IL18R1: variants seen among roughly 807,000 people sequenced by gnomAD.
IL18R1 encodes interleukin-18 receptor 1.
A neutral mutation model predicts 48.5 loss-of-function variants in IL18R1; 40 were observed. The ratio of observed to expected loss-of-function variants is 0.82; its 90% CI spans 0.64 to 1.07. The LOEUF (loss-of-function observed/expected upper bound fraction) is 1.07. IL18R1 is among the 50% of genes least tolerant of loss of function. The pLI is 0.00. For missense variants in IL18R1, 596 were observed against 633.7 expected, an observed-to-expected ratio of 0.94 and a Z score of 0.64; for synonymous variants, 232 against 225.9, an observed-to-expected ratio of 1.03 and a Z score of -0.24.
At position 102,376,003 on chromosome 2, in the gene IL18R1, C is replaced by T. The variant is rs779608094; in HGVS notation, c.565C>T (p.Leu189Phe). Reference protein sequence around the residue: ...DQGYYSCVHFLHHNGKLFNIT... With the variant: ...DQGYYSCVHFFHHNGKLFNIT... Reference sequence around the variant, plus strand: ...GGGGTATTACTCCTGCGTGCATTTCCTTCATCATAATGGAAAACTATTTAA... The same window carrying T: ...GGGGTATTACTCCTGCGTGCATTTCTTTCATCATAATGGAAAACTATTTAA... The change falls in exon 5 of 11, where the codon CTT becomes TTT. Residue 189 changes from leucine to phenylalanine, a missense_variant. Around this residue, in one of 3 missense-constraint regions of IL18R1, gnomAD observed 360 missense variants for 339.4 expected, o/e 1.06. Transcript: ENST00000233957. 20 of 1,606,118 alleles carry T rather than the reference C, an allele frequency of 1.2e-5. No homozygotes were observed. Among genetic ancestry groups the T allele is most frequent in the Middle Eastern group, 3.3e-4 (2 of 6,034 alleles).
At chr2:102,379,107 C>T (rs1191763112) in intron 5 of IL18R1, among the ~76,000 whole-genome samples, 1 of 152,142 alleles carries the variant, frequency 6.6e-6, no homozygotes, top group Non-Finnish European at 1.5e-5. Flanking sequence ...GACAGATTAA[C>T]AAGGGGCAAG....
At chr2:102,389,999 A>G (rs1680466199) in intron 8 of IL18R1, 57 bp from the exon 9 acceptor site, 8 of 1,570,666 alleles carry the variant, frequency 5.1e-6, no homozygotes, top group African/African-American at 1.3e-5. Flanking sequence ...GTGATGATGG[A>G]CAACACTGGT....
Position 102,386,974 on chromosome 2 carries a change from C to A in IL18R1, c.923C>A (p.Thr308Asn). The change falls in exon 8 of 11, where the codon ACC becomes AAC. Residue 308 changes from threonine to asparagine, a missense_variant. By Grantham distance (65) the Thr-to-Asn change is moderately conservative. Around this residue, in one of 3 missense-constraint regions of IL18R1, gnomAD observed 57 missense variants for 88.2 expected, o/e 0.65. Coordinates refer to ENST00000233957, the MANE Select transcript of IL18R1 (RefSeq NM_003855.5). The part of the protein sequence containing the change: ...CTVASTGGTD[T>N]KSFILVRKAD... ...GTGGCCAGCACGGGAGGCACAGACACCAAAAGCTTCATCTTGGTGAGAAAA... is the reference window on the plus strand; with the variant it reads ...GTGGCCAGCACGGGAGGCACAGACAACAAAAGCTTCATCTTGGTGAGAAAA... 6.2e-7 allele frequency: 1 copy of A among 1,613,122 alleles called. No homozygotes were observed. The highest frequency in any genetic ancestry group is 8.5e-7 in the Non-Finnish European group (1 of 1,179,720).
chr2:102,376,863 T>A (rs189490744), intron 5 of IL18R1, among the ~76,000 whole-genome samples: 1 of 152,340 alleles, frequency 6.6e-6, no homozygotes, highest in Non-Finnish European at 1.5e-5. Context: ...CACACAGCAG[T>A]GTAGTCCAGA....
chr2:102,368,176 C>G (rs1348945741), intron 3 of IL18R1, 108 bp downstream of exon 3: 9 of 1,167,802 alleles, frequency 7.7e-6, no homozygotes, highest in Non-Finnish European at 1.1e-5. Context: ...ACATCCTTTT[C>G]TTTCCTACTC....
rs1680898992 is a variant in IL18R1 at position 102,397,773 on chromosome 2, T to A, written c.*887T>A. 1 of 152,314 alleles carries A rather than the reference T, an allele frequency of 6.6e-6. No homozygotes were observed. The highest frequency in any genetic ancestry group is 6.5e-5 in the Admixed American group (1 of 15,288). 9.4% of individuals were successfully genotyped at this position (152,314 alleles called of 1,614,324 possible). A position where few individuals can be genotyped will look rare whatever the true frequency, so the allele number is the denominator to read the frequency against. On this transcript the variant is annotated 3_prime_UTR_variant, in exon 11 of 11. Transcript: ENST00000233957. ...ATGCCCTTGGCATAAGGCAGCATGG[T>A]GTGGCAGTTAAGAGATGGGCTGTGC...
chr2:102,358,743 A>G (rs1678402181), intron 1 of IL18R1, among the ~76,000 whole-genome samples: 1 of 152,122 alleles, frequency 6.6e-6, no homozygotes, highest in Admixed American at 6.5e-5. Flanking sequence ...CTTGGGTGAG[A>G]GCTGGTGGCC....
At chr2:102,374,553 CG>C (rs1559623875) in intron 4 of IL18R1, among the ~76,000 whole-genome samples, 1 of 151,928 alleles carries the variant, frequency 6.6e-6, no homozygotes, top group Admixed American at 6.6e-5. Context: ...CTGAGGTGGG[CG>C]GATTATTAGG....
At chr2:102,387,111 G>A in intron 8 of IL18R1, 111 bp downstream of exon 8, 1 of 1,140,142 alleles carries the variant, frequency 8.8e-7, no homozygotes, top group Non-Finnish European at 1.3e-6. Context: ...CTCCTGAGAG[G>A]GGAAATCAGT....
Position 102,362,730 on chromosome 2 carries a change from T to C in IL18R1, c.58+12T>C, listed in dbSNP as rs778022597. The C allele has an allele frequency of 2.3e-5, 34 of 1,503,328 alleles. No individual in the cohort carries two copies. The highest frequency in any genetic ancestry group is 3.0e-5 in the Non-Finnish European group (33 of 1,092,470). The allele number at this position is 1,503,328 out of a possible 1,614,324, so 93.1% of individuals were successfully genotyped here. On this transcript the variant is annotated intron_variant, in intron 2 of 10. Coordinates refer to ENST00000233957, the MANE Select transcript of IL18R1 (RefSeq NM_003855.5). Reference sequence around the variant, plus strand: ...TGTAAGCACTGCAGGTAAGTGATTATACATACTCTCAAACATATTTCATGA... The same window carrying C: ...TGTAAGCACTGCAGGTAAGTGATTACACATACTCTCAAACATATTTCATGA...
chr2:102,362,321 CA>C (rs1678623350), intron 1 of IL18R1, among the ~76,000 whole-genome samples: 1 of 152,190 alleles, frequency 6.6e-6, no homozygotes, highest in South Asian at 2.1e-4. Flanking sequence ...ATATTTGTAG[CA>C]GTACTATTGT....
chr2:102,373,420 T>A (rs768062092), intron 4 of IL18R1, among the ~76,000 whole-genome samples: 40 of 149,444 alleles, frequency 2.7e-4, no homozygotes, highest in South Asian at 8.6e-4. Flanking sequence ...TGAGAACACA[T>A]GGACACAGGG....
intron 3 of IL18R1, among the ~76,000 whole-genome samples, chr2:102,370,696 G>A (rs1679199391): frequency 6.6e-6 from 1 of 152,264 alleles, no homozygotes; most frequent in African/African-American, 2.4e-5. Flanking sequence ...TGTAGCAAGT[G>A]TGTGGCCTGA....
chr2:102,390,044 T>C lies in IL18R1; in HGVS notation c.950-12T>C, dbSNP rs778846346. 6.2e-7 allele frequency: 1 copy of C among 1,613,210 alleles called. No individual in the cohort carries two copies. The highest frequency in any genetic ancestry group is 8.5e-7 in the Non-Finnish European group (1 of 1,179,512). On this transcript the variant is annotated splice_polypyrimidine_tract_variant and intron_variant, in intron 8 of 10. Coordinates refer to ENST00000233957, the MANE Select transcript of IL18R1 (RefSeq NM_003855.5). ...TGATTATTTTCTTTTCCTTTTTCCC[T>C]TTCTTTTCTAGCAGACATGGCTGAT...
intron 7 of IL18R1, 44 bp downstream of exon 7, chr2:102,385,042 A>G (rs768409809): frequency 9.5e-7 from 1 of 1,055,374 alleles, no homozygotes; most frequent in Admixed American, 2.1e-5. Context: ...ACCATATAAC[A>G]ATCATATATA....
rs1055340583 is a variant in IL18R1 at position 102,362,728 on chromosome 2, T to C, written c.58+10T>C. On this transcript the variant is annotated intron_variant, in intron 2 of 10. Coordinates refer to ENST00000233957, the MANE Select transcript of IL18R1 (RefSeq NM_003855.5). ...TCTGTAAGCACTGCAGGTAAGTGAT[T>C]ATACATACTCTCAAACATATTTCAT... 2.3e-5 allele frequency: 35 copies of C among 1,515,178 alleles called. No individual in the cohort carries two copies. The highest frequency in any genetic ancestry group is 2.9e-5 in the Non-Finnish European group (32 of 1,101,560). The allele number at this position is 1,515,178 out of a possible 1,614,324, so 93.9% of individuals were successfully genotyped here.
intron 9 of IL18R1, among the ~76,000 whole-genome samples, chr2:102,391,614 G>C (rs1295000904): frequency 6.6e-6 from 1 of 152,168 alleles, no homozygotes; most frequent in Non-Finnish European, 1.5e-5. Flanking sequence ...CCAAAATGGA[G>C]TTTCTAGAAT....
chr2:102,363,608 G>A (rs1306836813), intron 2 of IL18R1, among the ~76,000 whole-genome samples: 4 of 152,130 alleles, frequency 2.6e-5, no homozygotes, highest in Non-Finnish European at 5.9e-5. Flanking sequence ...ATGTCCTGTG[G>A]ACATACACTA....
chr2:102,374,432 T>A (rs554849246), intron 4 of IL18R1, among the ~76,000 whole-genome samples: 8 of 152,188 alleles, frequency 5.3e-5, no homozygotes, highest in Non-Finnish European at 1.2e-4. Flanking sequence ...TTCCCATCAA[T>A]GTACAAATGT....
Sources: gnomAD v4.1 joint callset for allele counts (sites outside exome capture counted in the v4.1 genomes callset) on GRCh38, gnomAD v4.1.1 for gene constraint, gnomAD v4.1.1 regional missense constraint, MANE v1.5 for transcripts, NCBI Gene and HGNC (gene_info 2026-07-23, HGNC 2026-07-21) for gene names.